PKHD1: variants seen among roughly 807,000 people sequenced by gnomAD.
PKHD1 encodes the protein PKHD1 ciliary IPT domain containing fibrocystin/polyductin, also known as fibrocystin.
A neutral mutation model predicts 412.0 loss-of-function variants in PKHD1; 291 were observed. That is an observed-to-expected ratio of 0.71 (90% CI 0.64 to 0.78). The LOEUF is 0.78. PKHD1 is among the 30% of genes least tolerant of loss of function. The pLI is 0.00. For synonymous variants in PKHD1, 1,777 were observed against 1,821.5 expected (o/e 0.98, Z 0.62); for missense variants, 4,825 against 4,950.7 (o/e 0.97, Z 0.76).
chr6:51,726,844 C>T (rs1460714188), intron 60 of PKHD1, among the ~76,000 whole-genome samples: 2 of 152,102 alleles, frequency 1.3e-5, no homozygotes, highest in Admixed American at 1.3e-4. Flanking sequence ...CCCTAGGATG[C>T]TTATGCCCTA....
chr6:51,680,213 T>C (rs1776458152), intron 60 of PKHD1, among the ~76,000 whole-genome samples: 1 of 152,028 alleles, frequency 6.6e-6, no homozygotes, highest in Non-Finnish European at 1.5e-5. Context: ...CCACGATGGC[T>C]TGATATTGGC....
chr6:51,847,847 G>T lies in PKHD1; in HGVS notation c.8035C>A (p.Leu2679Ile). 5.0e-6 allele frequency: 8 copies of T among 1,614,024 alleles called. No homozygotes were observed. Among genetic ancestry groups the T allele is most frequent in the African/African-American group, 2.7e-5 (2 of 75,022 alleles). ...CCTTGGTTCTGACCTGGTGATGGAA[G>T]AAATGGAAAAGACAGACCCACTCGA... ...GSRVGLSFPF[L>I]PSPGQNQGCD... is the part of the protein sequence containing the mutation. The change falls in exon 50 of 67, where the codon CTT becomes ATT. Residue 2679 changes from leucine (L) to isoleucine (I), a missense_variant. By Grantham distance (5) the Leu-to-Ile change is conservative. Coordinates refer to ENST00000371117, the MANE Select transcript of PKHD1 (RefSeq NM_138694.4).
intron 60 of PKHD1, among the ~76,000 whole-genome samples, chr6:51,660,873 T>C (rs779819339): frequency 6.6e-6 from 1 of 152,102 alleles, no homozygotes; most frequent in Non-Finnish European, 1.5e-5. Context: ...GACTAAGTTA[T>C]TGGTTGTTGG....
rs534259117 is a variant in PKHD1, at chr6:51,671,336, G to A, written c.10157-11367C>T. On this transcript the variant is annotated intron_variant, in intron 60 of 66. Transcript: ENST00000371117. ...CTGATACCCTGTCTTCCAGTTGATC[G>A]CATCAGCTCCTGAGGGTTCCGCATT... Among the ~76,000 whole-genome samples, 10 of 152,130 alleles carry A rather than the reference G, an allele frequency of 6.6e-5. No individual in the cohort carries two copies. In the South Asian group the frequency reaches 1.0e-3, roughly 16 times the overall value.
intron 19 of PKHD1, among the ~76,000 whole-genome samples, chr6:52,054,416 CAG>C (rs1015539266): frequency 1.3e-5 from 2 of 152,120 alleles, no homozygotes; most frequent in Admixed American, 6.5e-5. Flanking sequence ...TGTCATCAAA[CAG>C]AGTTTTTAAA....
intron 35 of PKHD1, among the ~76,000 whole-genome samples, chr6:51,972,464 AT>A (rs1390314756): frequency 6.6e-6 from 1 of 152,238 alleles, no homozygotes; most frequent in Non-Finnish European, 1.5e-5. Flanking sequence ...TACCTGAAGA[AT>A]GAGGAAACCC....
chr6:52,037,756 T>C (rs975954148), intron 27 of PKHD1, among the ~76,000 whole-genome samples: 1 of 152,238 alleles, frequency 6.6e-6, no homozygotes, highest in Non-Finnish European at 1.5e-5. Context: ...TTATGCAACC[T>C]CTAAAGAGAA....
At position 52,025,943 on chromosome 6, in the gene PKHD1, T is replaced by G. The variant is rs563342503; in HGVS notation, c.3867A>C (p.Lys1289Asn). 1 of 1,614,102 alleles carries G rather than the reference T, an allele frequency of 6.2e-7. No homozygotes were observed. Among genetic ancestry groups the G allele is most frequent in the African/African-American group, 1.3e-5 (1 of 75,022 alleles). ...ARGPSPSLVG[K>N]GFTFMYEAAA... is the part of the protein sequence containing the mutation. ...CCGCTTCATACATGAAGGTGAAGCC[T>G]TTCCCCACCAAGCTTGGTGAAGGAC... Residue 1289 changes from lysine to asparagine, a missense_variant, in exon 32 of 67, where the codon AAA becomes AAC. Physicochemically the swap from Lys to Asn is moderately conservative, Grantham distance 94 (BLOSUM62 0). Coordinates refer to ENST00000371117, the MANE Select transcript of PKHD1 (RefSeq NM_138694.4).
At chr6:51,969,479 C>T (rs1262420077) in intron 35 of PKHD1, among the ~76,000 whole-genome samples, 1 of 152,106 alleles carries the variant, frequency 6.6e-6, no homozygotes, top group Non-Finnish European at 1.5e-5. Context: ...GTGGTAAAGT[C>T]CGGGCTTTTA....
Position 52,072,193 on chromosome 6 carries a change from G to C in PKHD1, c.528-4C>G, listed in dbSNP as rs761991923. 6.3e-7 allele frequency: 1 copy of C among 1,586,768 alleles called. No homozygotes were observed. Among genetic ancestry groups the C allele is most frequent in the Non-Finnish European group, 8.7e-7 (1 of 1,155,710 alleles). On this transcript the variant is annotated splice_polypyrimidine_tract_variant and splice_region_variant and intron_variant, in intron 7 of 66. Coordinates refer to ENST00000371117, the MANE Select transcript of PKHD1 (RefSeq NM_138694.4). ...TTGAGCTTCCAAGATCACTGGGCTG[G>C]ATTTAAAAAAAAATGAAAACAAAAG...
chr6:51,980,356 C>A (rs1794983538), intron 35 of PKHD1, among the ~76,000 whole-genome samples: 1 of 152,082 alleles, frequency 6.6e-6, no homozygotes, highest in Non-Finnish European at 1.5e-5. Context: ...ATTGATAGCA[C>A]TTATTTATAA....
intron 35 of PKHD1, among the ~76,000 whole-genome samples, chr6:51,983,807 C>A (rs1795883781): frequency 6.6e-6 from 1 of 152,194 alleles, no homozygotes; most frequent in African/African-American, 2.4e-5. Flanking sequence ...ACTGCACCAC[C>A]CATGAAGTCA....
chr6:51,973,544 T>C (rs2127997915), intron 35 of PKHD1, among the ~76,000 whole-genome samples: 1 of 152,262 alleles, frequency 6.6e-6, no homozygotes, highest in East Asian at 1.9e-4. Context: ...CCCTCATAGT[T>C]TGGAAATCCA....
At position 51,830,276 on chromosome 6, in the gene PKHD1, G is replaced by A. The variant is rs186960713; in HGVS notation, c.8302+585C>T. On this transcript the variant is annotated intron_variant, in intron 52 of 66. Transcript: ENST00000371117. ...TCCTTTAAATAAGAAGATTTTATAAGTATGGCTGTGTGTTTCTGTATATCT... is the reference window on the plus strand; with the variant it reads ...TCCTTTAAATAAGAAGATTTTATAAATATGGCTGTGTGTTTCTGTATATCT... 1.4e-4 allele frequency among the ~76,000 whole-genome samples: 21 copies of A among 152,194 alleles called. No homozygotes were observed. The East Asian group carries it at 3.5e-3, about 25-fold the overall frequency.
chr6:51,891,966 A>G (rs1347630775), intron 43 of PKHD1, among the ~76,000 whole-genome samples: 1 of 152,148 alleles, frequency 6.6e-6, no homozygotes, highest in Non-Finnish European at 1.5e-5. Flanking sequence ...GGAGGCCAGC[A>G]CATACTGACA....
At chr6:52,057,064 A>G in intron 16 of PKHD1, 85 bp from the exon 17 acceptor site, 1 of 851,828 alleles carries the variant, frequency 1.2e-6, no homozygotes. Flanking sequence ...ATTCCTCCTC[A>G]ACTTGCTATT....
At chr6:51,730,527 C>T (rs73442853) in intron 60 of PKHD1, among the ~76,000 whole-genome samples, 2,760 of 152,102 alleles carry the variant, frequency 0.018, 71 homozygotes, top group African/African-American at 0.063. Flanking sequence ...AATCTATTTC[C>T]GACTTTTAGA....
At chr6:52,061,671 G>T (rs941084460) in intron 14 of PKHD1, among the ~76,000 whole-genome samples, 2 of 147,362 alleles carry the variant, frequency 1.4e-5, no homozygotes, top group Admixed American at 1.4e-4. Context: ...TACCTTCAAC[G>T]GTAAAAACCG....
chr6:51,675,904 A>G (rs563363147), intron 60 of PKHD1, among the ~76,000 whole-genome samples: 2 of 152,326 alleles, frequency 1.3e-5, no homozygotes, highest in South Asian at 2.1e-4. Context: ...TTGTGTGTGC[A>G]TGTGTGCCTA....
Sources: allele counts gnomAD v4.1 joint callset (sites outside exome capture counted in the v4.1 genomes callset), GRCh38; gene constraint gnomAD v4.1.1; transcripts MANE v1.5; gene names NCBI Gene and HGNC (gene_info 2026-07-23, HGNC 2026-07-21).